The following RIT2 variants were observed in gnomAD, a reference collection of about 807,000 sequenced individuals.
The protein encoded by RIT2 is GTP-binding protein Rit2.
A neutral mutation model predicts 23.7 loss-of-function variants in RIT2; 24 were observed. The observed-to-expected ratio is 1.01, with a 90% CI of 0.73 to 1.43. The LOEUF (loss-of-function observed/expected upper bound fraction) is 1.43. Ranked by LOEUF, RIT2 falls within the 40% of genes most tolerant of loss-of-function variation. The probability of loss-of-function intolerance (pLI) is 0.00; values close to 1 mark genes in which losing one functional copy is unlikely to be tolerated. For missense variants in RIT2, 236 were observed against 266.9 expected, an observed-to-expected ratio of 0.88 and a Z score of 0.81; for synonymous variants, 107 against 91.1, an observed-to-expected ratio of 1.17 and a Z score of -0.99.
At chr18:43,027,829 G>C (rs1911768208) in intron 2 of RIT2, among the ~76,000 whole-genome samples, 1 of 152,026 alleles carries the variant, frequency 6.6e-6, no homozygotes, top group Admixed American at 6.6e-5. Context: ...GGTTTAATTT[G>C]GGTGGTGCTT....
rs183919755 is a variant in RIT2 at position 43,011,216 on chromosome 18, G to A, written c.160+22595C>T. Among the ~76,000 whole-genome samples the A allele has an allele frequency of 2.0e-3, 297 of 151,896 alleles. 2 individuals carry two copies. Among genetic ancestry groups the A allele is most frequent in the African/African-American group, 6.5e-3 (271 of 41,510 alleles). On this transcript the variant is annotated intron_variant, in intron 2 of 4. Transcript: ENST00000326695. ...AGATCCAGTGTGGTGGTGTGATCAA[G>A]GAGGAGCAGGAAGGTGATACTGGCT...
intron 4 of RIT2, among the ~76,000 whole-genome samples, chr18:42,880,216 C>T (rs1358105700): frequency 2.0e-5 from 3 of 152,126 alleles, no homozygotes; most frequent in Admixed American, 2.0e-4. Flanking sequence ...CCCAGCAACT[C>T]TCCTGTTTGT....
intron 4 of RIT2, among the ~76,000 whole-genome samples, chr18:42,785,224 AT>A (rs1472708819): frequency 6.6e-6 from 1 of 152,112 alleles, no homozygotes; most frequent in Non-Finnish European, 1.5e-5. Context: ...GATGCTATCT[AT>A]GGACATTTTA....
intron 2 of RIT2, among the ~76,000 whole-genome samples, chr18:43,004,191 G>C (rs964286677): frequency 6.6e-6 from 1 of 151,784 alleles, no homozygotes; most frequent in African/African-American, 2.4e-5. Flanking sequence ...CTGCCTCTGA[G>C]AGTGGGGACC....
chr18:43,034,756 T>C (rs1911937179), intron 1 of RIT2, among the ~76,000 whole-genome samples: 1 of 152,180 alleles, frequency 6.6e-6, no homozygotes, highest in South Asian at 2.1e-4. Flanking sequence ...CAAATCCTGC[T>C]AAGTCAGTTT....
chr18:42,794,607 T>A (rs1166272096), intron 4 of RIT2, among the ~76,000 whole-genome samples: 1 of 152,222 alleles, frequency 6.6e-6, no homozygotes. Context: ...ACAGTTTATA[T>A]CTCTGATTTC....
intron 1 of RIT2, among the ~76,000 whole-genome samples, chr18:43,059,146 ATAG>A: frequency 6.6e-6 from 1 of 152,048 alleles, no homozygotes; most frequent in Non-Finnish European, 1.5e-5. Context: ...TCTTTTTAAG[ATAG>A]TAGAAGTCAT....
intron 1 of RIT2, among the ~76,000 whole-genome samples, chr18:43,091,332 A>G (rs1189617886): frequency 6.6e-6 from 1 of 152,114 alleles, no homozygotes; most frequent in Non-Finnish European, 1.5e-5. Context: ...ATCTTAAGAC[A>G]GAGACATGCT....
chr18:43,099,397 C>T (rs1365239662), intron 1 of RIT2, among the ~76,000 whole-genome samples: 2 of 151,990 alleles, frequency 1.3e-5, no homozygotes, highest in Non-Finnish European at 2.9e-5. Context: ...CGTAAGTTTG[C>T]ATTTTTAATC....
At chr18:42,852,513 T>C (rs1907080299) in intron 4 of RIT2, among the ~76,000 whole-genome samples, 1 of 152,172 alleles carries the variant, frequency 6.6e-6, no homozygotes, top group South Asian at 2.1e-4. Context: ...TCTGGGACTT[T>C]TTCCTCACTT....
intron 2 of RIT2, among the ~76,000 whole-genome samples, chr18:42,997,853 A>G (rs1284661303): frequency 6.6e-6 from 1 of 152,188 alleles, no homozygotes; most frequent in African/African-American, 2.4e-5. Flanking sequence ...GATGAGGAGT[A>G]GGTGTCAACA....
chr18:43,112,581 T>TA (rs755035358), intron 1 of RIT2, among the ~76,000 whole-genome samples: 1 of 152,124 alleles, frequency 6.6e-6, no homozygotes, highest in Non-Finnish European at 1.5e-5. Flanking sequence ...AAGTTTCTAT[T>TA]AAAAAATATT....
chr18:42,856,448 C>A (rs1046313754), intron 4 of RIT2, among the ~76,000 whole-genome samples: 6 of 152,198 alleles, frequency 3.9e-5, no homozygotes, highest in African/African-American at 1.4e-4. Context: ...TAGACAATTT[C>A]TCTTGAACCT....
intron 4 of RIT2, among the ~76,000 whole-genome samples, chr18:42,840,107 CA>C (rs1598677080): frequency 2.0e-5 from 3 of 152,144 alleles, no homozygotes; most frequent in African/African-American, 4.8e-5. Context: ...TTCTGTATTG[CA>C]AAAAACTCCA....
intron 1 of RIT2, among the ~76,000 whole-genome samples, chr18:43,071,186 T>C (rs1358490019): frequency 1.3e-5 from 2 of 152,194 alleles, no homozygotes; most frequent in Non-Finnish European, 2.9e-5. Context: ...TCAGTTTCTC[T>C]GAAATTTGGA....
chr18:43,008,785 T>C (rs906696837), intron 2 of RIT2, among the ~76,000 whole-genome samples: 2 of 151,630 alleles, frequency 1.3e-5, no homozygotes, highest in Admixed American at 1.3e-4. Flanking sequence ...AAAAAGGTTG[T>C]AATAGCACCT....
chr18:42,941,279 C>T (rs951165805), intron 3 of RIT2, among the ~76,000 whole-genome samples: 1 of 152,068 alleles, frequency 6.6e-6, no homozygotes, highest in Middle Eastern at 3.2e-3. Context: ...GATAAGAACC[C>T]GTCAAGATGG....
chr18:42,754,199 T>G (rs1913110447), intron 4 of RIT2, among the ~76,000 whole-genome samples: 1 of 152,130 alleles, frequency 6.6e-6, no homozygotes, highest in Non-Finnish European at 1.5e-5. Flanking sequence ...GGGGCCTCCT[T>G]CTCTTGTATT....
In RIT2 at chr18:42,868,411, A is replaced by C. The variant is rs141899987; in HGVS notation, c.426+55161T>G. 1.8e-4 allele frequency among the ~76,000 whole-genome samples: 28 copies of C among 152,328 alleles called. No individual in the cohort carries two copies. The East Asian group carries it at 5.4e-3, about 29-fold the overall frequency. On this transcript the variant is annotated intron_variant, in intron 4 of 4. Transcript: ENST00000326695. ...TGGCTAGGTTCAGCTGTGAAAACCC[A>C]AGTTTAAGCAAACTGAGGAAACCAA...
Sources: allele counts gnomAD v4.1 joint callset (sites outside exome capture counted in the v4.1 genomes callset), GRCh38; gene constraint gnomAD v4.1.1; transcripts MANE v1.5; gene names NCBI Gene and HGNC (gene_info 2026-07-23, HGNC 2026-07-21).